GRIN2A: variants seen among roughly 807,000 people sequenced by gnomAD.
GRIN2A encodes glutamate receptor ionotropic, NMDA 2A.
In GRIN2A, 22 loss-of-function variants were observed where a neutral mutation model predicts 113.4. That is an observed-to-expected ratio of 0.19 (90% confidence interval 0.14 to 0.28). The LOEUF is 0.28. Among genes scored for constraint, GRIN2A ranks in the 10% least tolerant of loss-of-function variants. GRIN2A has a pLI of 1.00. For missense variants in GRIN2A, 1,502 were observed against 1,887.0 expected (o/e 0.80, Z 3.78); for synonymous variants, 827 against 738.4 (o/e 1.12, Z -1.94).
At chr16:10,025,420 G>C (rs538590130) in intron 2 of GRIN2A, among the ~76,000 whole-genome samples, 1 of 148,428 alleles carries the variant, frequency 6.7e-6, no homozygotes, top group East Asian at 2.0e-4. Context: ...TCCTGCCTCA[G>C]CCTTCCAAGT....
At chr16:10,161,896 C>G (rs2142327710) in intron 2 of GRIN2A, among the ~76,000 whole-genome samples, 1 of 152,316 alleles carries the variant, frequency 6.6e-6, no homozygotes, top group Admixed American at 6.5e-5. Context: ...TCTCACCTCC[C>G]TGCCTCCCTT....
At chr16:9,887,627 C>T (rs2043609951) in intron 4 of GRIN2A, among the ~76,000 whole-genome samples, 1 of 152,112 alleles carries the variant, frequency 6.6e-6, no homozygotes, top group African/African-American at 2.4e-5. Flanking sequence ...AATAAAGTTG[C>T]AATGAACATT....
chr16:9,856,757 C>T (rs2042976224), intron 4 of GRIN2A, among the ~76,000 whole-genome samples: 1 of 151,878 alleles, frequency 6.6e-6, no homozygotes, highest in South Asian at 2.1e-4. Flanking sequence ...TTATTATCTC[C>T]ATTTCATAGA....
chr16:10,102,562 G>T (rs888047790), intron 2 of GRIN2A, among the ~76,000 whole-genome samples: 4 of 148,844 alleles, frequency 2.7e-5, no homozygotes, highest in Admixed American at 6.6e-5. Context: ...TTTTTTATTG[G>T]GGGGGACAGA....
intron 10 of GRIN2A, among the ~76,000 whole-genome samples, chr16:9,798,875 A>G (rs1903175077): frequency 6.6e-6 from 1 of 152,244 alleles, no homozygotes; most frequent in Non-Finnish European, 1.5e-5. Context: ...CTAAATAGGA[A>G]TATTTTTTCC....
intron 9 of GRIN2A, among the ~76,000 whole-genome samples, chr16:9,822,947 C>A (rs1234311683): frequency 1.3e-5 from 2 of 152,352 alleles, no homozygotes; most frequent in East Asian, 3.9e-4. Context: ...CATTCATTCT[C>A]CACTCACTCA....
chr16:10,165,118 A>C (rs2049884848), intron 2 of GRIN2A, among the ~76,000 whole-genome samples: 2 of 152,220 alleles, frequency 1.3e-5, no homozygotes, highest in South Asian at 4.1e-4. Context: ...AAGATGTTAA[A>C]CAAGGTATTG....
At chr16:9,854,014 A>C (rs960081172) in intron 4 of GRIN2A, among the ~76,000 whole-genome samples, 1 of 152,162 alleles carries the variant, frequency 6.6e-6, no homozygotes, top group Admixed American at 6.5e-5. Context: ...TGAGACTATG[A>C]TTTCCCAGTC....
chr16:9,997,524 C>G (rs2046247420), intron 2 of GRIN2A, among the ~76,000 whole-genome samples: 1 of 152,114 alleles, frequency 6.6e-6, no homozygotes, highest in Non-Finnish European at 1.5e-5. Context: ...CATTAAGAGA[C>G]AAAGCTAAAG....
chr16:9,848,668 ATATGTTTTAT>A (rs2042821806), intron 5 of GRIN2A, among the ~76,000 whole-genome samples: 1 of 144,972 alleles, frequency 6.9e-6, no homozygotes, highest in African/African-American at 2.5e-5. Context: ...TACATAAAAT[ATATGTTTTAT>A]AATATTTTAA....
At chr16:9,858,638 A>G (rs2043009469) in intron 4 of GRIN2A, among the ~76,000 whole-genome samples, 1 of 152,242 alleles carries the variant, frequency 6.6e-6, no homozygotes, top group Admixed American at 6.5e-5. Flanking sequence ...TTTAATTCCT[A>G]TTAATAAAAT....
At chr16:9,963,442 C>A (rs1198850108) in intron 2 of GRIN2A, among the ~76,000 whole-genome samples, 1 of 151,980 alleles carries the variant, frequency 6.6e-6, no homozygotes, top group African/African-American at 2.4e-5. Flanking sequence ...TGCCCCCCAC[C>A]CCTGACAGGC....
chr16:9,823,853 A>T (rs756239693), intron 9 of GRIN2A, among the ~76,000 whole-genome samples: 45 of 151,932 alleles, frequency 3.0e-4, no homozygotes, highest in Non-Finnish European at 5.4e-4. Flanking sequence ...ATTGCTATTG[A>T]CTCTCTCCTC....
At chr16:9,906,731 A>G (rs1231591261) in intron 3 of GRIN2A, among the ~76,000 whole-genome samples, 1 of 152,254 alleles carries the variant, frequency 6.6e-6, no homozygotes, top group Non-Finnish European at 1.5e-5. Flanking sequence ...GACACGCAAG[A>G]TAACAAGTCC....
chr16:10,111,215 G>C lies in GRIN2A; in HGVS notation c.414+68783C>G, dbSNP rs181354438. ...ATCAGTGGCATTTATATTAGCAAAAGTTTCCATGAAAATGACCAAGGCACC... is the reference window on the plus strand; with the variant it reads ...ATCAGTGGCATTTATATTAGCAAAACTTTCCATGAAAATGACCAAGGCACC... On this transcript the variant is annotated intron_variant, in intron 2 of 12. Coordinates refer to ENST00000330684, the MANE Select transcript of GRIN2A (RefSeq NM_001134407.3). Among the ~76,000 whole-genome samples the C allele has an allele frequency of 6.6e-5, 10 of 152,328 alleles. No homozygotes were observed. In the East Asian group the frequency reaches 1.9e-3, roughly 29 times the overall value.
intron 2 of GRIN2A, among the ~76,000 whole-genome samples, chr16:9,973,842 T>G (rs1427927610): frequency 1.3e-5 from 2 of 152,048 alleles, no homozygotes; most frequent in Non-Finnish European, 2.9e-5. Flanking sequence ...TGAAAAAGAA[T>G]TAAAGACTTT....
In GRIN2A at chr16:9,909,124, G is replaced by A. The variant is rs1029416665; in HGVS notation, c.1008-18024C>T. ...TCACAATCATGGTGGAAGGCAAGGA[G>A]GACCAAGTCATGTCTTACATGGAAG... is the stretch of plus-strand genomic sequence containing the variant. On this transcript the variant is annotated intron_variant, in intron 3 of 12. Transcript: ENST00000330684. Among the ~76,000 whole-genome samples, 6 of 152,160 alleles carry A rather than the reference G, an allele frequency of 3.9e-5. No individual in the cohort carries two copies. The South Asian group carries it at 8.3e-4, about 21-fold the overall frequency.
chr16:9,803,100 C>A (rs1446523899), intron 10 of GRIN2A, among the ~76,000 whole-genome samples: 1 of 152,192 alleles, frequency 6.6e-6, no homozygotes, highest in Non-Finnish European at 1.5e-5. Flanking sequence ...GCTCAGTTTT[C>A]CCTATGAAAA....
At chr16:10,103,457 C>T (rs1243786946) in intron 2 of GRIN2A, among the ~76,000 whole-genome samples, 1 of 152,190 alleles carries the variant, frequency 6.6e-6, no homozygotes, top group Non-Finnish European at 1.5e-5. Flanking sequence ...GAATCTCAGC[C>T]ACATATAACT....
Sources: allele counts gnomAD v4.1 joint callset (sites outside exome capture counted in the v4.1 genomes callset), GRCh38; gene constraint gnomAD v4.1.1; transcripts MANE v1.5; gene names NCBI Gene and HGNC (gene_info 2026-07-23, HGNC 2026-07-21).